The following LRRC4C variants were observed in gnomAD, a reference collection of about 807,000 sequenced individuals.
LRRC4C encodes the protein leucine rich repeat containing 4C.
Under a neutral mutation model 33.6 loss-of-function variants are expected in LRRC4C, and 5 were observed. That is an observed-to-expected ratio of 0.15 (90% confidence interval 0.08 to 0.31). The LOEUF is 0.31. Among genes scored for constraint, LRRC4C ranks in the 10% least tolerant of loss-of-function variants. The probability of loss-of-function intolerance (pLI) is 1.00; values close to 1 mark genes in which losing one functional copy is unlikely to be tolerated. For missense variants in LRRC4C, 560 were observed against 796.7 expected, an observed-to-expected ratio of 0.70 and a Z score of 3.58; for synonymous variants, 329 against 302.0, an observed-to-expected ratio of 1.09 and a Z score of -0.93.
At chr11:40,766,751 G>A (rs966470218) in intron 2 of LRRC4C, among the ~76,000 whole-genome samples, 10 of 151,456 alleles carry the variant, frequency 6.6e-5, no homozygotes, top group African/African-American at 2.4e-4. Context: ...CAAACCTCAT[G>A]GTAAATTCAA....
intron 4 of LRRC4C, among the ~76,000 whole-genome samples, chr11:40,291,601 T>C (rs1008562072): frequency 6.6e-6 from 1 of 152,152 alleles, no homozygotes; most frequent in African/African-American, 2.4e-5. Flanking sequence ...AGACCACATC[T>C]GGGCATATGT....
In LRRC4C at chr11:41,362,549, C is replaced by T. The variant is rs1420837557; in HGVS notation, c.-496+96882G>A. 5.9e-5 allele frequency among the ~76,000 whole-genome samples: 9 copies of T among 152,066 alleles called. No homozygotes were observed. The East Asian group carries it at 1.6e-3, about 26-fold the overall frequency. On this transcript the variant is annotated intron_variant, in intron 1 of 6. Coordinates refer to ENST00000528697, the MANE Select transcript of LRRC4C (RefSeq NM_001258419.2). ...AATCATTCAGAATCACTAAGGGGGT[C>T]CAGGGAGTTCCTACTTAAACTTCTT...
chr11:41,240,989 AAGTCATG>A (rs1447470036), intron 1 of LRRC4C, among the ~76,000 whole-genome samples: 3 of 152,184 alleles, frequency 2.0e-5, no homozygotes, highest in African/African-American at 7.2e-5. Context: ...CATGGATTTT[AAGTCATG>A]AGATCTGAGT....
intron 2 of LRRC4C, among the ~76,000 whole-genome samples, chr11:40,922,033 A>G (rs1957205792): frequency 6.6e-6 from 1 of 152,098 alleles, no homozygotes. Context: ...GTTTGGCAAT[A>G]CTCTCAGTTA....
At chr11:41,122,652 C>T (rs938390752) in intron 1 of LRRC4C, among the ~76,000 whole-genome samples, 2 of 151,686 alleles carry the variant, frequency 1.3e-5, no homozygotes, top group Admixed American at 6.6e-5. Context: ...ATGGCATGAT[C>T]AAATAAGTTA....
At chr11:40,722,341 T>C (rs1162559041) in intron 2 of LRRC4C, among the ~76,000 whole-genome samples, 1 of 152,126 alleles carries the variant, frequency 6.6e-6, no homozygotes, top group Non-Finnish European at 1.5e-5. Flanking sequence ...ATTAAGGAGG[T>C]ACCGCCGCTA....
In LRRC4C at chr11:40,680,277, G is replaced by A. The variant is rs1387489686; in HGVS notation, c.-406-31999C>T. On this transcript the variant is annotated intron_variant, in intron 2 of 6. Transcript: ENST00000528697. The stretch of plus-strand genomic sequence containing the variant: ...TTTTGATTTTACAGGCTTACAGGTG[G>A]AAGGTATTCACCTTGTCTTGGATGA... Among the ~76,000 whole-genome samples the A allele has an allele frequency of 2.0e-5, 3 of 152,296 alleles. No homozygotes were observed. The East Asian group carries it at 5.8e-4, about 29-fold the overall frequency.
intron 2 of LRRC4C, among the ~76,000 whole-genome samples, chr11:40,679,875 C>A (rs748445430): frequency 6.6e-6 from 1 of 152,116 alleles, no homozygotes; most frequent in Non-Finnish European, 1.5e-5. Flanking sequence ...GCCTAGTGAA[C>A]TGTGAGAAGA....
At chr11:40,745,555 A>G (rs1207831292) in intron 2 of LRRC4C, among the ~76,000 whole-genome samples, 1 of 152,190 alleles carries the variant, frequency 6.6e-6, no homozygotes, top group Admixed American at 6.5e-5. Flanking sequence ...GGTGGGACAT[A>G]TGGCAGATGA....
intron 2 of LRRC4C, among the ~76,000 whole-genome samples, chr11:40,822,558 A>T (rs750972323): frequency 6.6e-6 from 1 of 151,660 alleles, no homozygotes; most frequent in Non-Finnish European, 1.5e-5. Flanking sequence ...TGAGTCTCTT[A>T]TATATTCCGG....
chr11:41,196,973 A>G (rs924033400), intron 1 of LRRC4C, among the ~76,000 whole-genome samples: 1 of 152,016 alleles, frequency 6.6e-6, no homozygotes, highest in East Asian at 1.9e-4. Context: ...AAGTATTAAA[A>G]TGGATTTTTA....
chr11:40,361,415 C>A (rs567558516), intron 3 of LRRC4C, among the ~76,000 whole-genome samples: 1 of 152,270 alleles, frequency 6.6e-6, no homozygotes, highest in Admixed American at 6.5e-5. Context: ...TATACACCAA[C>A]GACAGTCAAG....
At chr11:41,331,448 A>G (rs16935612) in intron 1 of LRRC4C, among the ~76,000 whole-genome samples, 29,184 of 152,130 alleles carry the variant, frequency 0.19, 3,156 homozygotes, top group East Asian at 0.45. Context: ...TAATGCATGC[A>G]TGAAAGGATA....
At chr11:41,207,471 T>G (rs1946647299) in intron 1 of LRRC4C, among the ~76,000 whole-genome samples, 1 of 152,194 alleles carries the variant, frequency 6.6e-6, no homozygotes, top group Admixed American at 6.5e-5. Context: ...ATAATGGCTT[T>G]AAGGAGGCAA....
Position 40,385,340 on chromosome 11 carries a change from T to C in LRRC4C, c.-269-65619A>G, listed in dbSNP as rs192711083. On this transcript the variant is annotated intron_variant, in intron 3 of 6. Coordinates refer to ENST00000528697, the MANE Select transcript of LRRC4C (RefSeq NM_001258419.2). Reference sequence around the variant, plus strand: ...ATTAAAATAGAGAAAACTTTTTTCATCTGCTTAGCAGAGAACTCTCATTCA... The same window carrying C: ...ATTAAAATAGAGAAAACTTTTTTCACCTGCTTAGCAGAGAACTCTCATTCA... Among the ~76,000 whole-genome samples, 224 of 152,340 alleles carry C rather than the reference T, an allele frequency of 1.5e-3. 1 individual carries two copies. Among genetic ancestry groups the C allele is most frequent in the African/African-American group, 5.2e-3 (217 of 41,584 alleles).
intron 2 of LRRC4C, among the ~76,000 whole-genome samples, chr11:40,801,690 A>G (rs1280566513): frequency 6.6e-6 from 1 of 152,184 alleles, no homozygotes; most frequent in East Asian, 1.9e-4. Flanking sequence ...AGAATTCAAT[A>G]GGTATTATTT....
chr11:40,237,006 A>G (rs1188796704), intron 5 of LRRC4C, among the ~76,000 whole-genome samples: 1 of 152,220 alleles, frequency 6.6e-6, no homozygotes, highest in African/African-American at 2.4e-5. Flanking sequence ...TTACAAAGAA[A>G]AAAACACAGT....
At chr11:40,419,279 A>C (rs1426297860) in intron 3 of LRRC4C, among the ~76,000 whole-genome samples, 3 of 152,208 alleles carry the variant, frequency 2.0e-5, no homozygotes, top group Non-Finnish European at 4.4e-5. Flanking sequence ...ATTTCTCAAA[A>C]TACTGAGAAA....
chr11:40,321,093 T>C (rs1349373808), intron 3 of LRRC4C, among the ~76,000 whole-genome samples: 2 of 152,188 alleles, frequency 1.3e-5, no homozygotes, highest in African/African-American at 4.8e-5. Flanking sequence ...CCTTCAGCTA[T>C]CCTGATGTTA....
Sources: allele counts gnomAD v4.1 joint callset (sites outside exome capture counted in the v4.1 genomes callset), GRCh38; gene constraint gnomAD v4.1.1; transcripts MANE v1.5; gene names NCBI Gene and HGNC (gene_info 2026-07-23, HGNC 2026-07-21).